Variants in XPO6 observed in about 807,000 individuals in gnomAD.
XPO6 encodes exportin-6.
In XPO6, 3 loss-of-function variants were observed where a neutral mutation model predicts 130.0. The ratio of observed to expected loss-of-function variants is 0.02; its 90% CI spans 0.01 to 0.06. The LOEUF (loss-of-function observed/expected upper bound fraction) is 0.06. XPO6 is among the 10% of genes least tolerant of loss of function. The pLI is 1.00. For synonymous variants in XPO6, 524 were observed against 548.9 expected (o/e 0.95, Z 0.63); for missense variants, 970 against 1,393.0 (o/e 0.70, Z 4.83).
intron 9 of XPO6, among the ~76,000 whole-genome samples, chr16:28,144,855 A>C (rs2042956230): frequency 6.6e-6 from 1 of 152,206 alleles, no homozygotes; most frequent in Admixed American, 6.5e-5. Context: ...CAGGCTAAGT[A>C]CCTTACCCAA....
At chr16:28,207,887 A>G (rs952814806) in intron 1 of XPO6, among the ~76,000 whole-genome samples, 1 of 152,210 alleles carries the variant, frequency 6.6e-6, no homozygotes, top group East Asian at 1.9e-4. Context: ...GCTCACGCCT[A>G]TAATACCAGA....
chr16:28,101,195 G>C lies in XPO6; in HGVS notation c.3276+263C>G. 1.8e-6 allele frequency: 1 copy of C among 549,658 alleles called. No homozygotes were observed. The highest frequency in any genetic ancestry group is 3.3e-6 in the Non-Finnish European group (1 of 303,740). 34.0% of individuals were successfully genotyped at this position (549,658 alleles called of 1,614,324 possible). A position where few individuals can be genotyped will look rare whatever the true frequency, so the allele number is the denominator to read the frequency against. ...GAACAAAGATGCCAAGACAAATGGA[G>C]GGGCTGCAGAGCCAGGAACTCGGGA... On this transcript the variant is annotated intron_variant, in intron 23 of 23. Coordinates refer to ENST00000304658, the MANE Select transcript of XPO6 (RefSeq NM_015171.4). The surrounding 1 kb of genome is among the most constrained non-coding windows in gnomAD (Gnocchi z 5.4).
chr16:28,160,504 CAAA>C (rs56821334), intron 6 of XPO6, among the ~76,000 whole-genome samples: 2 of 113,184 alleles, frequency 1.8e-5, no homozygotes, highest in Non-Finnish European at 3.8e-5. Context: ...ACTCCATCAC[CAAA>C]AAAAAAAAAA....
intron 6 of XPO6, among the ~76,000 whole-genome samples, chr16:28,162,871 C>T (rs919903629): frequency 6.6e-6 from 1 of 152,096 alleles, no homozygotes; most frequent in Non-Finnish European, 1.5e-5. Flanking sequence ...AATAAACTTT[C>T]GTGCAAAGCT....
chr16:28,115,676 G>C (rs2141254626), intron 15 of XPO6, among the ~76,000 whole-genome samples: 1 of 152,360 alleles, frequency 6.6e-6, no homozygotes, highest in African/African-American at 2.4e-5. Flanking sequence ...CCTGACAAGA[G>C]AGTTGGCCTG....
intron 1 of XPO6, among the ~76,000 whole-genome samples, chr16:28,210,885 T>G (rs2044118449): frequency 1.3e-5 from 2 of 152,178 alleles, no homozygotes; most frequent in African/African-American, 4.8e-5. Flanking sequence ...CTAAGTGTAT[T>G]AGAGATGCCT....
At chr16:28,143,729 C>T (rs1464897636) in intron 9 of XPO6, among the ~76,000 whole-genome samples, 1 of 152,036 alleles carries the variant, frequency 6.6e-6, no homozygotes, top group East Asian at 1.9e-4. Context: ...CTCTGCCACC[C>T]GGGTTCAGGA....
chr16:28,167,308 C>T (rs2043372186), intron 5 of XPO6: 1 of 985,336 alleles, frequency 1.0e-6, no homozygotes, highest in East Asian at 1.1e-4. Context: ...TCCCCACAAA[C>T]CTGCCACCAA....
At chr16:28,143,835 C>T (rs1410639355) in intron 9 of XPO6, among the ~76,000 whole-genome samples, 1 of 152,160 alleles carries the variant, frequency 6.6e-6, no homozygotes, top group Non-Finnish European at 1.5e-5. Flanking sequence ...CAGGGTTTCA[C>T]CTTCTCAGCC....
chr16:28,099,840 G>A (rs1459772263), intron 23 of XPO6, among the ~76,000 whole-genome samples: 1 of 152,168 alleles, frequency 6.6e-6, no homozygotes, highest in Non-Finnish European at 1.5e-5. Flanking sequence ...TGAATGGAAG[G>A]TGGTGATTCT....
chr16:28,176,149 G>C, intron 3 of XPO6, 54 bp from the exon 4 acceptor site: 1 of 1,550,754 alleles, frequency 6.4e-7, no homozygotes, highest in Non-Finnish European at 8.9e-7. Flanking sequence ...AAAAATAACT[G>C]CTTTTCATCC....
chr16:28,198,076 C>T (rs2141901694), intron 1 of XPO6, among the ~76,000 whole-genome samples: 1 of 149,072 alleles, frequency 6.7e-6, no homozygotes, highest in South Asian at 2.1e-4. Context: ...ACATTAATCA[C>T]ATTATTATTT....
At chr16:28,195,530 A>C (rs2043844744) in intron 1 of XPO6, among the ~76,000 whole-genome samples, 1 of 152,166 alleles carries the variant, frequency 6.6e-6, no homozygotes. Context: ...AGGCGGGCGG[A>C]CCACTTGAGG....
At chr16:28,206,139 TACACACACACAC>T (rs138219018) in intron 1 of XPO6, among the ~76,000 whole-genome samples, 1 of 142,734 alleles carries the variant, frequency 7.0e-6, no homozygotes, top group African/African-American at 2.5e-5. Context: ...TAGAAAGCAA[TACACACACACAC>T]ACACACACAC....
At chr16:28,105,211 G>A (rs78013072) in intron 20 of XPO6, among the ~76,000 whole-genome samples, 4,256 of 152,336 alleles carry the variant, frequency 0.028, 90 homozygotes, top group Non-Finnish European at 0.042. Flanking sequence ...CTCCCCAGAA[G>A]GGGAGGGTTT....
At chr16:28,210,854 C>T (rs2044117958) in intron 1 of XPO6, among the ~76,000 whole-genome samples, 2 of 152,222 alleles carry the variant, frequency 1.3e-5, no homozygotes, top group Admixed American at 6.5e-5. Flanking sequence ...TGAGATGTTT[C>T]TCCTACAATC....
At chr16:28,162,849 G>GC (rs1008767922) in intron 6 of XPO6, among the ~76,000 whole-genome samples, 60 of 152,082 alleles carry the variant, frequency 3.9e-4, no homozygotes, top group Admixed American at 3.5e-3. Context: ...AAGCCACCAT[G>GC]CCCAGCCCTG....
At chr16:28,130,659 A>G (rs1248979424) in intron 12 of XPO6, among the ~76,000 whole-genome samples, 1 of 152,202 alleles carries the variant, frequency 6.6e-6, no homozygotes, top group Non-Finnish European at 1.5e-5. Flanking sequence ...GCTGAGGATG[A>G]GATTTATAAA....
intron 5 of XPO6, chr16:28,167,408 C>T (rs940807965): frequency 3.0e-6 from 3 of 984,088 alleles, no homozygotes; most frequent in African/African-American, 3.5e-5. Flanking sequence ...CTTCAGCTCA[C>T]CCGACAGACG....
Sources: allele counts gnomAD v4.1 joint callset (sites outside exome capture counted in the v4.1 genomes callset), GRCh38; gene constraint gnomAD v4.1.1; non-coding constraint Gnocchi (gnomAD v3.1); transcripts MANE v1.5; gene names NCBI Gene and HGNC (gene_info 2026-07-23, HGNC 2026-07-21).